DCDC2: variants seen among roughly 807,000 people sequenced by gnomAD.
DCDC2 encodes doublecortin domain-containing protein 2.
DCDC2 carries 40 observed loss-of-function variants against 50.2 expected under a neutral mutation model. The ratio of observed to expected loss-of-function variants is 0.80; its 90% CI spans 0.62 to 1.04. The LOEUF is 1.04. DCDC2 is among the 50% of genes least tolerant of loss of function. The probability of loss-of-function intolerance (pLI) is 0.00; values close to 1 mark genes in which losing one functional copy is unlikely to be tolerated. For missense variants in DCDC2, 570 were observed against 581.9 expected, an observed-to-expected ratio of 0.98 and a Z score of 0.21; for synonymous variants, 234 against 210.6, an observed-to-expected ratio of 1.11 and a Z score of -0.96.
At chr6:24,367,956 AG>A in the DCDC2 span, among the ~76,000 whole-genome samples, 3 of 152,162 alleles carry the variant, frequency 2.0e-5, no homozygotes, top group Admixed American at 2.0e-4. Flanking sequence ...AAATGACCAA[AG>A]GTTTTTTTAA....
intron 7 of DCDC2, among the ~76,000 whole-genome samples, chr6:24,207,606 G>A (rs1427039341): frequency 6.6e-6 from 1 of 152,076 alleles, no homozygotes; most frequent in Non-Finnish European, 1.5e-5. Context: ...TGTATCCCAT[G>A]GAGACCATCA....
intron 7 of DCDC2, among the ~76,000 whole-genome samples, chr6:24,232,433 C>G (rs1762355421): frequency 6.6e-6 from 1 of 152,220 alleles, no homozygotes; most frequent in Non-Finnish European, 1.5e-5. Flanking sequence ...TCAGCATGTT[C>G]AGGCACTAAA....
At chr6:24,196,653 A>G (rs1432495667) in intron 8 of DCDC2, among the ~76,000 whole-genome samples, 2 of 152,092 alleles carry the variant, frequency 1.3e-5, no homozygotes, top group Non-Finnish European at 2.9e-5. Flanking sequence ...AACACTCCTG[A>G]CTTTAGGTGA....
intron 8 of DCDC2, among the ~76,000 whole-genome samples, chr6:24,192,581 A>G (rs368683177): frequency 3.3e-5 from 5 of 152,196 alleles, no homozygotes; most frequent in African/African-American, 7.2e-5. Flanking sequence ...AAGAGGGAAG[A>G]TATCACATTT....
Position 24,357,935 on chromosome 6 carries a change from A to T in DCDC2, c.-185T>A. ...GCGTCCACCCAGAGGAGACACTAGG[A>T]GCTTGCAGGACTCGGAGTAGACGCT... On this transcript the variant is annotated 5_prime_UTR_variant, in exon 1 of 10. Transcript: ENST00000378454. The T allele has an allele frequency of 6.6e-7, 1 of 1,512,908 alleles. No individual in the cohort carries two copies. Among genetic ancestry groups the T allele is most frequent in the Non-Finnish European group, 8.8e-7 (1 of 1,131,738 alleles). 93.7% of individuals were successfully genotyped at this position (1,512,908 alleles called of 1,614,324 possible).
At chr6:24,373,286 C>T in the DCDC2 span, among the ~76,000 whole-genome samples, 1 of 152,290 alleles carries the variant, frequency 6.6e-6, no homozygotes, top group South Asian at 2.1e-4. Flanking sequence ...GAGACATCTA[C>T]AACAATGTTT....
chr6:24,371,922 G>A, the DCDC2 span, among the ~76,000 whole-genome samples: 9 of 152,226 alleles, frequency 5.9e-5, no homozygotes, highest in African/African-American at 2.2e-4. Context: ...ACTGCAATGA[G>A]ATACCATCTC....
chr6:24,251,167 T>C (rs1561907000), intron 7 of DCDC2, among the ~76,000 whole-genome samples: 1 of 152,188 alleles, frequency 6.6e-6, no homozygotes, highest in South Asian at 2.1e-4. Context: ...ACTGGCTAAT[T>C]GGAGTTTAGA....
Position 24,275,184 on chromosome 6 carries a change from A to G in DCDC2, c.922+2865T>C, listed in dbSNP as rs554104019. 5.3e-5 allele frequency among the ~76,000 whole-genome samples: 8 copies of G among 152,336 alleles called. No individual in the cohort carries two copies. In the South Asian group the frequency reaches 1.2e-3, roughly 24 times the overall value. ...TTGGTTCTAATTACTAAAATATATGACATTAAAGTAAAAAGCAACTTCAAT... is the reference window on the plus strand; with the variant it reads ...TTGGTTCTAATTACTAAAATATATGGCATTAAAGTAAAAAGCAACTTCAAT... On this transcript the variant is annotated intron_variant, in intron 7 of 9. Transcript: ENST00000378454.
intron 8 of DCDC2, among the ~76,000 whole-genome samples, chr6:24,189,230 G>T (rs566482991): frequency 1.6e-4 from 25 of 152,240 alleles, no homozygotes; most frequent in Admixed American, 1.6e-3. Context: ...GTTTCCTCTG[G>T]CTACATCCTA....
At chr6:24,253,073 T>C (rs1762824394) in intron 7 of DCDC2, among the ~76,000 whole-genome samples, 1 of 151,986 alleles carries the variant, frequency 6.6e-6, no homozygotes, top group African/African-American at 2.4e-5. Flanking sequence ...GGCTTAAATA[T>C]AATATTAGGA....
intron 7 of DCDC2, among the ~76,000 whole-genome samples, chr6:24,222,221 C>T (rs1762133991): frequency 6.6e-6 from 1 of 152,150 alleles, no homozygotes; most frequent in African/African-American, 2.4e-5. Context: ...GAAACTCAGG[C>T]ATAGAATATA....
chr6:24,205,185 A>C (rs1761685539), intron 7 of DCDC2, 83 bp from the exon 8 acceptor site: 1 of 1,613,856 alleles, frequency 6.2e-7, no homozygotes, highest in African/African-American at 1.3e-5. Context: ...TCAAATGCTT[A>C]TTTTTAATAG....
intron 2 of DCDC2, among the ~76,000 whole-genome samples, chr6:24,324,476 T>C (rs1759824689): frequency 6.6e-6 from 1 of 152,224 alleles, no homozygotes; most frequent in African/African-American, 2.4e-5. Context: ...TGTGTCTCAC[T>C]TGTTAATATT....
chr6:24,363,664 G>T, the DCDC2 span, among the ~76,000 whole-genome samples: 1 of 152,060 alleles, frequency 6.6e-6, no homozygotes, highest in Non-Finnish European at 1.5e-5. Flanking sequence ...GGTTTATAAG[G>T]GCTCTTCAAC....
At chr6:24,274,384 T>C (rs914438570) in intron 7 of DCDC2, among the ~76,000 whole-genome samples, 6 of 152,132 alleles carry the variant, frequency 3.9e-5, no homozygotes, top group Non-Finnish European at 8.8e-5. Context: ...CTCAAGGCAC[T>C]GCAACTCAAG....
chr6:24,363,053 G>C (rs793665), upstream of DCDC2, among the ~76,000 whole-genome samples: 12,596 of 152,270 alleles, frequency 0.083, 650 homozygotes, highest in Non-Finnish European at 0.12. Flanking sequence ...AGGAGCTTCA[G>C]ATGGATGCAA....
chr6:24,184,962 C>T lies in DCDC2; in HGVS notation c.1024-6330G>A, dbSNP rs1026852319. 2.0e-5 allele frequency among the ~76,000 whole-genome samples: 3 copies of T among 152,200 alleles called. No individual in the cohort carries two copies. In the East Asian group the frequency reaches 5.8e-4, roughly 29 times the overall value. ...AGGATTCTGGATATGGTCCTCGCCT[C>T]TCTGAGAACATATTACCAGTGCTTG... On this transcript the variant is annotated intron_variant, in intron 8 of 9. Transcript: ENST00000378454.
intron 8 of DCDC2, among the ~76,000 whole-genome samples, chr6:24,182,007 C>T (rs1438188103): frequency 6.6e-6 from 1 of 152,152 alleles, no homozygotes; most frequent in Non-Finnish European, 1.5e-5. Flanking sequence ...CAGAAATAAA[C>T]CTTCACATAT....
Sources: gnomAD v4.1 joint callset for allele counts (sites outside exome capture counted in the v4.1 genomes callset) on GRCh38, gnomAD v4.1.1 for gene constraint, MANE v1.5 for transcripts, NCBI Gene and HGNC (gene_info 2026-07-23, HGNC 2026-07-21) for gene names.